FYB2: variants seen among roughly 807,000 people sequenced by gnomAD.
FYB2 encodes FYN binding protein 2.
A neutral mutation model predicts 94.1 loss-of-function variants in FYB2; 103 were observed. The ratio of observed to expected loss-of-function variants is 1.09; its 90% CI spans 0.93 to 1.29. FYB2 has a LOEUF of 1.29. Ranked by LOEUF, FYB2 falls within the 50% of genes most tolerant of loss-of-function variation. The pLI, the probability that FYB2 is intolerant of heterozygous loss-of-function variation, is 0.00. For missense variants in FYB2, 896 were observed against 841.5 expected (o/e 1.06, Z -0.80); for synonymous variants, 293 against 287.9 (o/e 1.02, Z -0.18).
At chr1:56,798,079 A>T (rs1361769950) in intron 1 of FYB2, among the ~76,000 whole-genome samples, 1 of 152,304 alleles carries the variant, frequency 6.6e-6, no homozygotes, top group Non-Finnish European at 1.5e-5. Flanking sequence ...GGCAGAAGTG[A>T]CCCACGAAAT....
intron 8 of FYB2, 71 bp downstream of exon 8, chr1:56,753,768 G>T: frequency 9.8e-7 from 1 of 1,015,870 alleles, no homozygotes; most frequent in Non-Finnish European, 1.5e-6. Flanking sequence ...GCTCTCTCAG[G>T]CCATATAAAG....
At chr1:56,812,920 T>C (rs141744280) in intron 1 of FYB2, among the ~76,000 whole-genome samples, 16 of 152,350 alleles carry the variant, frequency 1.1e-4, no homozygotes, top group Non-Finnish European at 2.4e-4. Flanking sequence ...CCACAGACTA[T>C]GTGGCTTCAA....
chr1:56,792,644 A>G lies in FYB2; in HGVS notation c.169T>C (p.Ser57Pro), dbSNP rs1354013751. The change falls in exon 2 of 20, where the codon TCC (serine) becomes CCC (proline). Residue 57 changes from serine to proline, a missense_variant. Coordinates refer to ENST00000343433, the MANE Select transcript of FYB2 (RefSeq NM_001004303.5). ...QILANGKPLS[S>P]NHKQRTPYCS... ...TATGGTGTGCGCTGCTTGTGGTTGG[A>G]TGAGAGGGGTTTCCCATTGGCCAAA... 6.2e-7 allele frequency: 1 copy of G among 1,614,080 alleles called. No individual in the cohort carries two copies. Among genetic ancestry groups the G allele is most frequent in the Admixed American group, 1.7e-5 (1 of 60,012 alleles).
intron 15 of FYB2, among the ~76,000 whole-genome samples, chr1:56,729,531 T>A (rs1644657645): frequency 6.6e-6 from 1 of 151,998 alleles, no homozygotes; most frequent in South Asian, 2.1e-4. Context: ...AAGCAAATAT[T>A]ATTAGGTCAA....
intron 4 of FYB2, among the ~76,000 whole-genome samples, chr1:56,780,504 T>C (rs1165244410): frequency 6.6e-6 from 1 of 152,178 alleles, no homozygotes; most frequent in Non-Finnish European, 1.5e-5. Context: ...GAGGCTGTGC[T>C]CTGGATCCAG....
rs554567011 is a variant in FYB2, at chr1:56,766,213, C to A, written c.1063+1616G>T. The stretch of plus-strand genomic sequence containing the variant: ...CCAGAATCTACATTTTAACAAGATC[C>A]CTGCATGACTTGTATGAACGCTAGA... On this transcript the variant is annotated intron_variant, in intron 5 of 19. Coordinates refer to ENST00000343433, the MANE Select transcript of FYB2 (RefSeq NM_001004303.5). Among the ~76,000 whole-genome samples, 301 of 152,238 alleles carry A rather than the reference C, an allele frequency of 2.0e-3. 1 individual carries two copies. The highest frequency in any genetic ancestry group is 6.8e-3 in the African/African-American group (284 of 41,528).
chr1:56,734,817 A>T (rs1348557342), intron 15 of FYB2, among the ~76,000 whole-genome samples: 6 of 152,094 alleles, frequency 3.9e-5, no homozygotes, highest in Non-Finnish European at 5.9e-5. Flanking sequence ...AGTATAATAA[A>T]AAATAAATAA....
chr1:56,757,695 T>C (rs746063159), intron 6 of FYB2, among the ~76,000 whole-genome samples: 4,590 of 72,754 alleles, frequency 0.063, 46 homozygotes, highest in East Asian at 0.12. Flanking sequence ...TCCTTCTTTC[T>C]TTCTTTCTTT....
In FYB2 at chr1:56,723,689, G is replaced by A; in HGVS notation, c.1881-8C>T. 6.7e-7 allele frequency: 1 copy of A among 1,486,646 alleles called. No homozygotes were observed. The highest frequency in any genetic ancestry group is 9.3e-7 in the Non-Finnish European group (1 of 1,071,494). 92.1% of individuals were successfully genotyped at this position (1,486,646 alleles called of 1,614,324 possible). On this transcript the variant is annotated splice_region_variant and splice_polypyrimidine_tract_variant and intron_variant, in intron 16 of 19. Coordinates refer to ENST00000343433, the MANE Select transcript of FYB2 (RefSeq NM_001004303.5). ...AAATTTCTAGGAGAGAAACTAGCAAGAAATGTGCAGGTAGGGTAAAACGTA... is the reference window on the plus strand; with the variant it reads ...AAATTTCTAGGAGAGAAACTAGCAAAAAATGTGCAGGTAGGGTAAAACGTA...
At position 56,743,140 on chromosome 1, in the gene FYB2, G is replaced by A. The variant is rs576389251; in HGVS notation, c.1543+886C>T. Among the ~76,000 whole-genome samples, 300 of 151,986 alleles carry A rather than the reference G, an allele frequency of 2.0e-3. 1 individual carries two copies. Among genetic ancestry groups the A allele is most frequent in the African/African-American group, 7.0e-3 (292 of 41,452 alleles). ...TTTGTTATTAACTATAATCACTGTT[G>A]TACTATAAACTTCCTGAAGGTACTT... On this transcript the variant is annotated intron_variant, in intron 11 of 19. Coordinates refer to ENST00000343433, the MANE Select transcript of FYB2 (RefSeq NM_001004303.5).
chr1:56,772,049 G>C lies in FYB2; in HGVS notation c.954-4111C>G, dbSNP rs143507390. On this transcript the variant is annotated intron_variant, in intron 4 of 19. Coordinates refer to ENST00000343433, the MANE Select transcript of FYB2 (RefSeq NM_001004303.5). The stretch of plus-strand genomic sequence containing the variant: ...AAAAAGAAAAATTATAAACTCCAAT[G>C]CATCAGTAACTTCTCTCATATTTTT... Among the ~76,000 whole-genome samples, 204 of 152,128 alleles carry C rather than the reference G, an allele frequency of 1.3e-3. 3 individuals are homozygous for C. The East Asian group carries it at 0.029, about 22-fold the overall frequency.
chr1:56,750,122 C>T (rs568395544), intron 9 of FYB2, among the ~76,000 whole-genome samples: 10 of 152,030 alleles, frequency 6.6e-5, no homozygotes, highest in East Asian at 1.9e-4. Flanking sequence ...AAGGTGCCTA[C>T]GGCGTGCCAT....
intron 5 of FYB2, 40 bp downstream of exon 5, chr1:56,767,789 C>A: frequency 7.0e-7 from 1 of 1,425,312 alleles, no homozygotes; most frequent in South Asian, 1.3e-5. Context: ...CATTTTCATT[C>A]CACACAGGGT....
At chr1:56,748,931 T>C (rs1416833480) in intron 9 of FYB2, among the ~76,000 whole-genome samples, 1 of 152,000 alleles carries the variant, frequency 6.6e-6, no homozygotes, top group East Asian at 1.9e-4. Context: ...GACAACATCT[T>C]ATTTTTCTTT....
chr1:56,761,012 C>G (rs1645479674), intron 5 of FYB2, among the ~76,000 whole-genome samples: 1 of 152,074 alleles, frequency 6.6e-6, no homozygotes, highest in Non-Finnish European at 1.5e-5. Flanking sequence ...GTTATATAAC[C>G]CTCTCTCCAC....
Position 56,719,562 on chromosome 1 carries a change from T to G in FYB2, c.*109A>C. 1.1e-6 allele frequency: 1 copy of G among 934,464 alleles called. No homozygotes were observed. The highest frequency in any genetic ancestry group is 1.9e-5 in the South Asian group (1 of 52,686). 57.9% of individuals were successfully genotyped at this position (934,464 alleles called of 1,614,324 possible). A position where few individuals can be genotyped will look rare whatever the true frequency, so the allele number is the denominator to read the frequency against. On this transcript the variant is annotated 3_prime_UTR_variant, in exon 20 of 20. Transcript: ENST00000343433. ...GTTCAGAACGAAAGTTTCCACAGAT[T>G]CCACCATCTCAAAATTTTGACATGT...
At chr1:56,825,181 T>G in the FYB2 span, 1 of 152,324 alleles carries the variant, frequency 6.6e-6, no homozygotes, top group East Asian at 1.9e-4. Flanking sequence ...ATGACCTCAT[T>G]TGATGCTCAC....
chr1:56,825,576 A>C, the FYB2 span, among the ~76,000 whole-genome samples: 1 of 152,158 alleles, frequency 6.6e-6, no homozygotes, highest in Non-Finnish European at 1.5e-5. Flanking sequence ...TAGTCTAGTT[A>C]GGGTGTAAGG....
chr1:56,773,347 C>T (rs1224788083), intron 4 of FYB2, among the ~76,000 whole-genome samples: 1 of 152,170 alleles, frequency 6.6e-6, no homozygotes, highest in Admixed American at 6.5e-5. Context: ...TCATGCACCT[C>T]ATTCAAACAT....
Sources: gnomAD v4.1 joint callset for allele counts (sites outside exome capture counted in the v4.1 genomes callset) on GRCh38, gnomAD v4.1.1 for gene constraint, MANE v1.5 for transcripts, NCBI Gene and HGNC (gene_info 2026-07-23, HGNC 2026-07-21) for gene names.